Variants in NFATC2 observed in about 807,000 individuals in gnomAD.
NFATC2 encodes nuclear factor of activated T-cells, cytoplasmic 2.
NFATC2 carries 22 observed loss-of-function variants against 87.3 expected under a neutral mutation model. That is an observed-to-expected ratio of 0.25 (90% CI 0.18 to 0.36). NFATC2 has a LOEUF of 0.36. Ranked by LOEUF, NFATC2 falls within the 10% of genes least tolerant of loss-of-function variation. The pLI is 1.00. For synonymous variants in NFATC2, 565 were observed against 542.2 expected, an observed-to-expected ratio of 1.04 and a Z score of -0.58; for missense variants, 1,149 against 1,259.1, an observed-to-expected ratio of 0.91 and a Z score of 1.32.
chr20:51,426,244 C>T (rs1168506867), intron 9 of NFATC2, among the ~76,000 whole-genome samples: 1 of 152,120 alleles, frequency 6.6e-6, no homozygotes, highest in Non-Finnish European at 1.5e-5. Flanking sequence ...TTTGGGAGGC[C>T]GAGGGGAATG....
chr20:51,436,517 T>C (rs902132639), intron 6 of NFATC2, among the ~76,000 whole-genome samples: 18 of 151,884 alleles, frequency 1.2e-4, no homozygotes, highest in African/African-American at 3.9e-4. Context: ...GAGACCAGCC[T>C]GGCCAGCATG....
chr20:51,438,268 C>T (rs574633239), intron 6 of NFATC2, among the ~76,000 whole-genome samples: 1 of 152,236 alleles, frequency 6.6e-6, no homozygotes, highest in Non-Finnish European at 1.5e-5. Context: ...TCCTCATCCA[C>T]ACCTGCAAAG....
At chr20:51,456,710 C>T (rs1986570626) in intron 5 of NFATC2, among the ~76,000 whole-genome samples, 1 of 152,268 alleles carries the variant, frequency 6.6e-6, no homozygotes, top group Non-Finnish European at 1.5e-5. Flanking sequence ...CCAGCCCCTT[C>T]CATGGCAGGA....
chr20:51,492,374 C>T (rs1386634819), intron 3 of NFATC2, among the ~76,000 whole-genome samples: 3 of 152,140 alleles, frequency 2.0e-5, no homozygotes, highest in Non-Finnish European at 4.4e-5. Flanking sequence ...CAGGAGTGTG[C>T]GTGAGTGCGG....
chr20:51,531,079 C>T (rs1377632390), intron 1 of NFATC2, among the ~76,000 whole-genome samples: 3 of 152,198 alleles, frequency 2.0e-5, no homozygotes, highest in African/African-American at 7.2e-5. Context: ...AGCCACCTAC[C>T]CACTGGATGC....
chr20:51,494,083 G>A lies in NFATC2; in HGVS notation c.1333-18423C>T, dbSNP rs117128153. Among the ~76,000 whole-genome samples, 452 of 152,090 alleles carry A rather than the reference G, an allele frequency of 3.0e-3. 12 individuals are homozygous for A. In the East Asian group the frequency reaches 0.062, roughly 21 times the overall value. Reference sequence around the variant, plus strand: ...AACAGTTACCATCATCGCCACCATCGTCACCCATTTCAGACCTTCCTCCAA... The same window carrying A: ...AACAGTTACCATCATCGCCACCATCATCACCCATTTCAGACCTTCCTCCAA... On this transcript the variant is annotated intron_variant, in intron 3 of 10. Coordinates refer to ENST00000371564, the MANE Select transcript of NFATC2 (RefSeq NM_012340.5).
chr20:51,460,612 C>A (rs567030281), intron 5 of NFATC2, among the ~76,000 whole-genome samples: 2 of 147,264 alleles, frequency 1.4e-5, no homozygotes, highest in Non-Finnish European at 3.0e-5. Flanking sequence ...CTCGGTGAAT[C>A]CTGAGCCATA....
chr20:51,454,378 T>C (rs553056488), intron 6 of NFATC2, among the ~76,000 whole-genome samples, 170 bp downstream of exon 6: 1 of 152,236 alleles, frequency 6.6e-6, no homozygotes, highest in East Asian at 1.9e-4. Context: ...ATTCATGCAA[T>C]GGCGAATGGT....
At chr20:51,533,949 G>T (rs1349582046) in intron 1 of NFATC2, among the ~76,000 whole-genome samples, 1 of 152,204 alleles carries the variant, frequency 6.6e-6, no homozygotes, top group East Asian at 1.9e-4. Flanking sequence ...TTCAAATCTG[G>T]ATGGGAAGAA....
intron 3 of NFATC2, among the ~76,000 whole-genome samples, chr20:51,497,061 G>A (rs911696975): frequency 6.6e-6 from 1 of 152,222 alleles, no homozygotes; most frequent in African/African-American, 2.4e-5. Context: ...GCCCCACACT[G>A]AGAAATGTCA....
At chr20:51,393,552 C>T (rs534368444) in intron 10 of NFATC2, among the ~76,000 whole-genome samples, 3 of 152,280 alleles carry the variant, frequency 2.0e-5, no homozygotes, top group South Asian at 2.1e-4. Flanking sequence ...CTACTGTGTA[C>T]TGGGTAACAG....
chr20:51,457,886 CTTTTTT>C (rs11325400), intron 5 of NFATC2, among the ~76,000 whole-genome samples: 1 of 132,936 alleles, frequency 7.5e-6, no homozygotes, highest in Non-Finnish European at 1.7e-5. Flanking sequence ...CCTCCTCGTC[CTTTTTT>C]TTTTTTTTTT....
At chr20:51,510,315 T>C (rs889583531) in intron 3 of NFATC2, among the ~76,000 whole-genome samples, 2 of 152,196 alleles carry the variant, frequency 1.3e-5, no homozygotes, top group African/African-American at 4.8e-5. Flanking sequence ...CAGGCCACTC[T>C]CAACTGGGAT....
upstream of NFATC2, among the ~76,000 whole-genome samples, chr20:51,543,934 G>A (rs976471003): frequency 6.8e-6 from 1 of 147,612 alleles, no homozygotes; most frequent in Non-Finnish European, 1.5e-5. Flanking sequence ...TTAAACTCCC[G>A]TGCTGGGCTG....
At chr20:51,465,375 G>A (rs532375485) in intron 5 of NFATC2, among the ~76,000 whole-genome samples, 65 of 152,108 alleles carry the variant, frequency 4.3e-4, no homozygotes, top group South Asian at 3.7e-3. Flanking sequence ...GTGAGAATCC[G>A]TCTCAAAAAA....
chr20:51,507,152 T>C lies in NFATC2; in HGVS notation c.1332+9632A>G, dbSNP rs1367192556. ...AATGAGTGAGTGGGTGAGTGAAAGA[T>C]AAGAACCCAGAAGTTCAAAGCCAAG... is the stretch of plus-strand genomic sequence containing the variant. On this transcript the variant is annotated intron_variant, in intron 3 of 10. Coordinates refer to ENST00000371564, the MANE Select transcript of NFATC2 (RefSeq NM_012340.5). 2.6e-5 allele frequency among the ~76,000 whole-genome samples: 4 copies of C among 152,178 alleles called. No homozygotes were observed. In the East Asian group the frequency reaches 7.7e-4, roughly 29 times the overall value.
intron 9 of NFATC2, among the ~76,000 whole-genome samples, chr20:51,423,994 C>T (rs1474070437): frequency 2.6e-5 from 4 of 152,096 alleles, no homozygotes; most frequent in Non-Finnish European, 2.9e-5. Context: ...CCACATCATT[C>T]GGGATGAAAG....
At chr20:51,543,887 A>G (rs1003574573), upstream of NFATC2, among the ~76,000 whole-genome samples, 1 of 150,464 alleles carries the variant, frequency 6.6e-6, no homozygotes, top group African/African-American at 2.5e-5. Context: ...GTGGTCTTCA[A>G]CCCTTCCCAC....
At chr20:51,459,382 G>C (rs761881646) in intron 5 of NFATC2, among the ~76,000 whole-genome samples, 2 of 152,116 alleles carry the variant, frequency 1.3e-5, no homozygotes, top group Non-Finnish European at 2.9e-5. Context: ...GCAGATCGGG[G>C]CTCACTGGGG....
Sources: allele counts gnomAD v4.1 joint callset (sites outside exome capture counted in the v4.1 genomes callset), GRCh38; gene constraint gnomAD v4.1.1; transcripts MANE v1.5; gene names NCBI Gene and HGNC (gene_info 2026-07-23, HGNC 2026-07-21).